GALNT14: variants seen among roughly 807,000 people sequenced by gnomAD.
GALNT14 encodes UDP-GalNAc:polypeptide N-acetylgalactosaminyltransferase 14.
In GALNT14, 60 loss-of-function variants were observed where a neutral mutation model predicts 77.5. The ratio of observed to expected loss-of-function variants is 0.77; its 90% CI spans 0.63 to 0.96. The LOEUF is 0.96. Ranked by LOEUF, GALNT14 falls within the 40% of genes least tolerant of loss-of-function variation. GALNT14 has a pLI of 0.00. For missense variants in GALNT14, 710 were observed against 731.0 expected, an observed-to-expected ratio of 0.97 and a Z score of 0.33; for synonymous variants, 280 against 281.7, an observed-to-expected ratio of 0.99 and a Z score of 0.06.
chr2:30,998,395 T>C (rs1221089607), intron 1 of GALNT14, among the ~76,000 whole-genome samples: 1 of 152,172 alleles, frequency 6.6e-6, no homozygotes, highest in Non-Finnish European at 1.5e-5. Flanking sequence ...TGTTGTACAT[T>C]CCCACTCATG....
rs186967293 is a variant in GALNT14 at position 30,992,564 on chromosome 2, T to C, written c.299+274A>G. Reference sequence around the variant, plus strand: ...TGCTCTATGGGTTCGTGTCAAATGATCCCTAAGGTGAGGAGCAGGTTAAAG... The same window carrying C: ...TGCTCTATGGGTTCGTGTCAAATGACCCCTAAGGTGAGGAGCAGGTTAAAG... On this transcript the variant is annotated intron_variant, in intron 2 of 14. Coordinates refer to ENST00000349752, the MANE Select transcript of GALNT14 (RefSeq NM_024572.4). Among the ~76,000 whole-genome samples the C allele has an allele frequency of 3.3e-5, 5 of 152,190 alleles. No homozygotes were observed. In the East Asian group the frequency reaches 9.7e-4, roughly 29 times the overall value.
intron 2 of GALNT14, among the ~76,000 whole-genome samples, chr2:30,992,447 G>A (rs1401683790): frequency 6.6e-6 from 1 of 152,158 alleles, no homozygotes; most frequent in African/African-American, 2.4e-5. Context: ...CTGCCCCAGG[G>A]TCCAATCATC....
chr2:31,137,916 G>T (rs779751439), intron 1 of GALNT14, 42 bp downstream of exon 1: 4 of 1,572,752 alleles, frequency 2.5e-6, no homozygotes, highest in African/African-American at 1.4e-5. Flanking sequence ...GCGCCCTCCC[G>T]CAAGCCACCG....
At chr2:30,901,437 C>T in the GALNT14 span, among the ~76,000 whole-genome samples, 5 of 151,598 alleles carry the variant, frequency 3.3e-5, no homozygotes, top group Non-Finnish European at 7.4e-5. Flanking sequence ...TATATGTATA[C>T]ACACACACAC....
At chr2:31,090,936 CT>C (rs1676706085) in intron 1 of GALNT14, among the ~76,000 whole-genome samples, 1 of 152,186 alleles carries the variant, frequency 6.6e-6, no homozygotes, top group Non-Finnish European at 1.5e-5. Context: ...CTAATTCACA[CT>C]TAAGTTTTAG....
chr2:30,933,490 C>G (rs988252776), intron 9 of GALNT14, among the ~76,000 whole-genome samples: 1 of 152,200 alleles, frequency 6.6e-6, no homozygotes, highest in Non-Finnish European at 1.5e-5. Context: ...TTACCTGTCA[C>G]CTACCTGTCT....
chr2:30,943,946 A>C (rs1361807076), intron 8 of GALNT14, among the ~76,000 whole-genome samples: 2 of 152,166 alleles, frequency 1.3e-5, no homozygotes, highest in East Asian at 3.9e-4. Context: ...ATTTGACTTC[A>C]GCCAACTCAA....
intron 1 of GALNT14, among the ~76,000 whole-genome samples, chr2:31,013,838 T>C (rs139898069): frequency 1.5e-3 from 225 of 152,280 alleles, no homozygotes; most frequent in African/African-American, 5.2e-3. Flanking sequence ...GCACTGAATC[T>C]ATGTAATTAC....
chr2:31,107,650 C>G (rs942575374), intron 1 of GALNT14, among the ~76,000 whole-genome samples: 1 of 152,122 alleles, frequency 6.6e-6, no homozygotes, highest in African/African-American at 2.4e-5. Context: ...ACATCTCAAA[C>G]GAGTCACCTC....
chr2:30,971,989 G>A lies in GALNT14; in HGVS notation c.300-5687C>T, dbSNP rs192234121. ...CCAGTGCTTCCGTGGCTTGTCTGCC[G>A]GGGCCAGGACCCAGGCCCTCGGACA... On this transcript the variant is annotated intron_variant, in intron 2 of 14. Transcript: ENST00000349752. 1.6e-3 allele frequency among the ~76,000 whole-genome samples: 243 copies of A among 152,308 alleles called. 3 individuals are homozygous for A. The highest frequency in any genetic ancestry group is 5.6e-3 in the African/African-American group (231 of 41,562).
At chr2:30,921,682 G>A (rs1665039611) in intron 13 of GALNT14, among the ~76,000 whole-genome samples, 1 of 152,200 alleles carries the variant, frequency 6.6e-6, no homozygotes, top group African/African-American at 2.4e-5. Flanking sequence ...GTCAGGGTAG[G>A]GGCAGGGCTG....
Position 31,047,243 on chromosome 2 carries a change from C to A in GALNT14, c.130-54236G>T, listed in dbSNP as rs547068385. Among the ~76,000 whole-genome samples, 74 of 152,174 alleles carry A rather than the reference C, an allele frequency of 4.9e-4. 1 individual carries two copies. Among genetic ancestry groups the A allele is most frequent in the Non-Finnish European group, 8.8e-4 (60 of 68,030 alleles). ...TGCCCCCATTCCCAATCAGACCCAG[C>A]AAGCCATGGTGGGAAGGGAAGTAGG... is the stretch of plus-strand genomic sequence containing the variant. On this transcript the variant is annotated intron_variant, in intron 1 of 14. Coordinates refer to ENST00000349752, the MANE Select transcript of GALNT14 (RefSeq NM_024572.4).
chr2:30,987,677 G>A (rs1334056246), intron 2 of GALNT14, among the ~76,000 whole-genome samples: 1 of 151,910 alleles, frequency 6.6e-6, no homozygotes, highest in East Asian at 1.9e-4. Flanking sequence ...ACAGCTGCCT[G>A]CTGGGTGAAA....
intron 2 of GALNT14, among the ~76,000 whole-genome samples, chr2:30,968,939 G>A (rs999509047): frequency 3.3e-5 from 5 of 152,200 alleles, no homozygotes; most frequent in Admixed American, 1.3e-4. Context: ...CTCGTAGGTA[G>A]TTGAGGTGGA....
chr2:31,052,043 T>A (rs762789566), intron 1 of GALNT14, among the ~76,000 whole-genome samples: 8 of 152,140 alleles, frequency 5.3e-5, no homozygotes, highest in Non-Finnish European at 1.0e-4. Context: ...GCCAAGGAGA[T>A]ACCCCACTGA....
intron 1 of GALNT14, among the ~76,000 whole-genome samples, chr2:31,042,420 G>T (rs1673157249): frequency 6.6e-6 from 1 of 152,148 alleles, no homozygotes; most frequent in Admixed American, 6.5e-5. Context: ...CTGACAAGAT[G>T]ACATCTGAAT....
Position 30,945,831 on chromosome 2 carries a change from T to C in GALNT14, c.694A>G (p.Asn232Asp). 6.2e-7 allele frequency: 1 copy of C among 1,614,134 alleles called. No homozygotes were observed. The highest frequency in any genetic ancestry group is 8.5e-7 in the Non-Finnish European group (1 of 1,180,026). The change falls in exon 7 of 15, where the codon AAC becomes GAC. Residue 232 changes from asparagine (N) to aspartate (D), a missense_variant. By Grantham distance (23) the Asn-to-Asp change is conservative (BLOSUM62 1). Transcript: ENST00000349752. Reference sequence around the variant, plus strand: ...TCGATGTAGGTGAAGGTGTCCAGGTTAATGATATCGATCACAGGGCACACC... The same window carrying C: ...TCGATGTAGGTGAAGGTGTCCAGGTCAATGATATCGATCACAGGGCACACC... ...RVVCPVIDIINLDTFTYIESA... is the reference protein window; with the variant it reads ...RVVCPVIDIIDLDTFTYIESA...
At chr2:31,029,362 A>T (rs72856704) in intron 1 of GALNT14, among the ~76,000 whole-genome samples, 4,455 of 150,904 alleles carry the variant, frequency 0.03, 230 homozygotes, top group African/African-American at 0.1. Context: ...AACCAACATC[A>T]TCTCACTGCC....
At chr2:30,904,644 G>A in the GALNT14 span, among the ~76,000 whole-genome samples, 6 of 152,338 alleles carry the variant, frequency 3.9e-5, no homozygotes, top group Admixed American at 1.3e-4. Context: ...AGGGGCGCCC[G>A]CCATTGCCCA....
Sources: allele counts gnomAD v4.1 joint callset (sites outside exome capture counted in the v4.1 genomes callset), GRCh38; gene constraint gnomAD v4.1.1; transcripts MANE v1.5; gene names NCBI Gene and HGNC (gene_info 2026-07-23, HGNC 2026-07-21).